The following RANGAP1 variants were observed in gnomAD, a reference collection of about 807,000 sequenced individuals.
RANGAP1 encodes ran GTPase-activating protein 1.
RANGAP1 carries 38 observed loss-of-function variants against 63.5 expected under a neutral mutation model. That is an observed-to-expected ratio of 0.60 (90% CI 0.46 to 0.78). RANGAP1 has a LOEUF of 0.78. RANGAP1 is among the 30% of genes least tolerant of loss of function. RANGAP1 has a pLI of 0.00. For missense variants in RANGAP1, 630 were observed against 740.3 expected (o/e 0.85, Z 1.73); for synonymous variants, 329 against 310.5 (o/e 1.06, Z -0.63).
rs943477800 is a variant in RANGAP1, at chr22:41,245,821, C to T, written c.*782G>A. 2 of 152,644 alleles carry T rather than the reference C, an allele frequency of 1.3e-5. No individual in the cohort carries two copies. The highest frequency in any genetic ancestry group is 2.4e-5 in the African/African-American group (1 of 41,464). The allele number at this position is 152,644 out of a possible 1,614,324, so 9.5% of individuals were successfully genotyped here. ...GACATTGGGGACCCTGCCTCTCCCTCCCCAGACTGGAGAACAGCTTTGGGT... is the reference window on the plus strand; with the variant it reads ...GACATTGGGGACCCTGCCTCTCCCTTCCCAGACTGGAGAACAGCTTTGGGT... On this transcript the variant is annotated 3_prime_UTR_variant, in exon 16 of 16. Coordinates refer to ENST00000356244, the MANE Select transcript of RANGAP1 (RefSeq NM_002883.4).
chr22:41,291,997 CT>C, the RANGAP1 span, among the ~76,000 whole-genome samples: 5 of 152,034 alleles, frequency 3.3e-5, no homozygotes, highest in African/African-American at 1.2e-4. Context: ...TCTCGGCTTC[CT>C]GAAAGGAGGT....
intron 3 of RANGAP1, among the ~76,000 whole-genome samples, chr22:41,272,740 T>C (rs2034911531): frequency 6.6e-6 from 1 of 152,106 alleles, no homozygotes; most frequent in Non-Finnish European, 1.5e-5. Flanking sequence ...GGTCTTGATC[T>C]CTTGACCTTG....
At chr22:41,292,421 A>G in the RANGAP1 span, among the ~76,000 whole-genome samples, 1 of 150,584 alleles carries the variant, frequency 6.6e-6, no homozygotes, top group South Asian at 2.2e-4. Context: ...AAGTGCTGGG[A>G]TTACAGGCGT....
In RANGAP1 at chr22:41,258,079, T is replaced by C; in HGVS notation, c.643A>G (p.Met215Val). ...RVIGTLEEVH[M>V]PQNGINHPGI... The stretch of plus-strand genomic sequence containing the variant: ...GGGTGGTTGATCCCATTCTGTGGCA[T>C]GTGGACCTCCTCCAGGGTCCCGATG... The change falls in exon 7 of 16, where the codon ATG (methionine) becomes GTG (valine). Residue 215 changes from methionine to valine, a missense_variant. Around this residue, in one of 3 missense-constraint regions of RANGAP1, gnomAD observed 137 missense variants for 214.3 expected, o/e 0.64. Coordinates refer to ENST00000356244, the MANE Select transcript of RANGAP1 (RefSeq NM_002883.4). The C allele has an allele frequency of 6.2e-7, 1 of 1,612,182 alleles. No individual in the cohort carries two copies.
At chr22:41,258,746 C>G (rs991511091) in intron 6 of RANGAP1, among the ~76,000 whole-genome samples, 1 of 152,198 alleles carries the variant, frequency 6.6e-6, no homozygotes, top group Admixed American at 6.5e-5. Flanking sequence ...CCTCTGCCTC[C>G]CAGGTTCAAG....
At chr22:41,287,382 G>GT (rs1555950580), upstream of RANGAP1, among the ~76,000 whole-genome samples, 408 of 133,756 alleles carry the variant, frequency 3.1e-3, 1 homozygote, top group Admixed American at 0.01. Flanking sequence ...TTTTTTTTTT[G>GT]TTTTTTTTTT....
intron 5 of RANGAP1, among the ~76,000 whole-genome samples, chr22:41,262,761 C>T (rs1358733172): frequency 6.6e-6 from 1 of 152,196 alleles, no homozygotes; most frequent in East Asian, 1.9e-4. Context: ...CTAGGTCACC[C>T]CCATTCTCCC....
chr22:41,301,278 T>C, the RANGAP1 span, among the ~76,000 whole-genome samples: 1 of 152,070 alleles, frequency 6.6e-6, no homozygotes, highest in Non-Finnish European at 1.5e-5. Flanking sequence ...GCGGAGGCGC[T>C]GGGTTTGAGC....
At chr22:41,277,567 G>C (rs569292065) in intron 2 of RANGAP1, 1 of 1,100,606 alleles carries the variant, frequency 9.1e-7, no homozygotes, top group East Asian at 6.3e-5. Flanking sequence ...GATAAAGTTT[G>C]AACTTGACCT....
intron 2 of RANGAP1, 175 bp downstream of exon 2, chr22:41,280,758 T>C: frequency 6.6e-7 from 1 of 1,526,168 alleles, no homozygotes; most frequent in Non-Finnish European, 8.8e-7. Flanking sequence ...GGGAGCTTGC[T>C]CCTGGGCAAA....
At chr22:41,259,164 CCT>C (rs1273416312) in intron 6 of RANGAP1, among the ~76,000 whole-genome samples, 1 of 152,122 alleles carries the variant, frequency 6.6e-6, no homozygotes, top group East Asian at 1.9e-4. Context: ...CCCATCGGCC[CCT>C]GAGCTTTGGA....
chr22:41,249,887 C>T, intron 13 of RANGAP1, 70 bp from the exon 14 acceptor site: 1 of 1,371,788 alleles, frequency 7.3e-7, no homozygotes, highest in Non-Finnish European at 1.0e-6. Flanking sequence ...ACCCAGGGTT[C>T]CCCCAACACC....
chr22:41,261,655 C>A (rs1418374326), intron 5 of RANGAP1, 75 bp from the exon 6 acceptor site: 1 of 1,590,420 alleles, frequency 6.3e-7, no homozygotes, highest in Non-Finnish European at 8.6e-7. Flanking sequence ...TGCTGCTGAA[C>A]TGCTCTTCAA....
chr22:41,252,910 G>A lies in RANGAP1; in HGVS notation c.1342C>T (p.Arg448Cys), dbSNP rs552331126. The change falls in exon 12 of 16, where the codon CGC becomes TGC. Residue 448 changes from arginine (R) to cysteine (C), a missense_variant. Around this residue, in one of 3 missense-constraint regions of RANGAP1, gnomAD observed 428 missense variants for 465.5 expected, o/e 0.92. Coordinates refer to ENST00000356244, the MANE Select transcript of RANGAP1 (RefSeq NM_002883.4). ...AGCACGGAGCTCTTGGGCCCTAGGC[G>A]CAGCAGCTTCTCTGGAGAGGGAAAA... ...LAFPSPEKLL[R>C]LGPKSSVLIA... The A allele has an allele frequency of 1.2e-5, 19 of 1,572,808 alleles. No individual in the cohort carries two copies. The highest frequency in any genetic ancestry group is 7.5e-5 in the East Asian group (3 of 40,136).
intron 2 of RANGAP1, among the ~76,000 whole-genome samples, chr22:41,279,393 CAGG>C (rs2035356325): frequency 6.6e-6 from 1 of 151,686 alleles, no homozygotes; most frequent in Non-Finnish European, 1.5e-5. Flanking sequence ...TGGCGTGAAC[CAGG>C]GAGGCAGAGC....
intron 12 of RANGAP1, 69 bp downstream of exon 12, chr22:41,252,803 C>T (rs2033556455): frequency 7.6e-6 from 11 of 1,447,076 alleles, no homozygotes; most frequent in East Asian, 5.5e-5. Flanking sequence ...CTGAGCTGTT[C>T]GTCCCTTTTC....
At chr22:41,249,140 G>C (rs948554105) in intron 15 of RANGAP1, among the ~76,000 whole-genome samples, 190 bp downstream of exon 15, 10 of 152,210 alleles carry the variant, frequency 6.6e-5, no homozygotes, top group African/African-American at 2.4e-4. Context: ...AGGGGAGTGG[G>C]CCTCCCAAGG....
Position 41,246,490 on chromosome 22 carries a change from CCCTG to C in RANGAP1, c.*109_*112del. On this transcript the variant is annotated 3_prime_UTR_variant, in exon 16 of 16. Coordinates refer to ENST00000356244, the MANE Select transcript of RANGAP1 (RefSeq NM_002883.4). ...ACAGGACACATGGGACACAGACCCG[CCCTG>C]CCTGTGGCCAGAGTCCTGTCCAAGG... 8.3e-7 allele frequency: 1 copy of C among 1,201,234 alleles called. No homozygotes were observed. The allele number at this position is 1,201,234 out of a possible 1,614,324, so 74.4% of individuals were successfully genotyped here. A position where few individuals can be genotyped will look rare whatever the true frequency, so the allele number is the denominator to read the frequency against.
At chr22:41,285,709 A>G (rs1406160169) in intron 1 of RANGAP1, 3 of 982,910 alleles carry the variant, frequency 3.1e-6, no homozygotes, top group Non-Finnish European at 3.6e-6. Context: ...TCCGGTTGAC[A>G]ACAATGCTAA....
Sources: gnomAD v4.1 joint callset for allele counts (sites outside exome capture counted in the v4.1 genomes callset) on GRCh38, gnomAD v4.1.1 for gene constraint, gnomAD v4.1.1 regional missense constraint, MANE v1.5 for transcripts, NCBI Gene and HGNC (gene_info 2026-07-23, HGNC 2026-07-21) for gene names.